The following ANKFN1 variants were observed in gnomAD, a reference collection of about 807,000 sequenced individuals.
ANKFN1 encodes ankyrin repeat and fibronectin type III domain containing 1, also known as ankyrin repeat and fibronectin type-III domain-containing protein 1.
Under a neutral mutation model 108.7 loss-of-function variants are expected in ANKFN1, and 74 were observed. The observed-to-expected ratio is 0.68, with a 90% CI of 0.56 to 0.83. ANKFN1 has a LOEUF of 0.83. Among genes scored for constraint, ANKFN1 ranks in the 40% least tolerant of loss-of-function variants. The pLI is 0.00. For missense variants in ANKFN1, 1,505 were observed against 1,382.3 expected, an observed-to-expected ratio of 1.09 and a Z score of -1.41; for synonymous variants, 547 against 516.2, an observed-to-expected ratio of 1.06 and a Z score of -0.81.
chr17:56,315,611 G>A (rs1172203274), intron 3 of ANKFN1, among the ~76,000 whole-genome samples: 2 of 152,202 alleles, frequency 1.3e-5, no homozygotes, highest in Non-Finnish European at 2.9e-5. Flanking sequence ...GCTGCAAGGT[G>A]CATCCAGTAG....
chr17:56,231,293 G>A (rs775096838), intron 3 of ANKFN1, among the ~76,000 whole-genome samples: 13 of 152,080 alleles, frequency 8.5e-5, no homozygotes, highest in Admixed American at 2.6e-4. Flanking sequence ...GTGTAATTTA[G>A]CTCAAGATCT....
At chr17:56,069,631 A>G (rs1051520335) in intron 4 of ANKFN1, among the ~76,000 whole-genome samples, 1 of 152,136 alleles carries the variant, frequency 6.6e-6, no homozygotes, top group Admixed American at 6.5e-5. Flanking sequence ...GGTGGCTTAG[A>G]AAACAGAAAT....
chr17:56,444,664 T>A (rs558507070), intron 10 of ANKFN1, among the ~76,000 whole-genome samples: 1 of 152,330 alleles, frequency 6.6e-6, no homozygotes, highest in East Asian at 1.9e-4. Flanking sequence ...ACTAATTTAA[T>A]CTTCGTAAGG....
intron 1 of ANKFN1, among the ~76,000 whole-genome samples, chr17:56,182,280 C>A (rs1198521866): frequency 6.6e-6 from 1 of 152,094 alleles, no homozygotes; most frequent in Non-Finnish European, 1.5e-5. Flanking sequence ...CCAAGAGAGG[C>A]CAAAAGCTAA....
At chr17:56,077,865 C>T (rs1905199280) in intron 4 of ANKFN1, among the ~76,000 whole-genome samples, 1 of 152,216 alleles carries the variant, frequency 6.6e-6, no homozygotes, top group South Asian at 2.1e-4. Flanking sequence ...CCATTAGCTG[C>T]ATGCCACTTA....
rs1310471568 is a variant in ANKFN1, at chr17:56,055,601, AT to A, written c.288+9283del. ...TATATATATATATGTATATATACAC[AT>A]TTTTTTATCCAGTCAATCACTGATG... On this transcript the variant is annotated intron_variant, in intron 4 of 12. Transcript: ENST00000635860. Among the ~76,000 whole-genome samples, 31 of 134,508 alleles carry A rather than the reference AT, an allele frequency of 2.3e-4. 2 individuals are homozygous for A. The highest frequency in any genetic ancestry group is 8.1e-4 in the African/African-American group (28 of 34,674). 88.2% of individuals were successfully genotyped at this position (134,508 alleles called of 152,430 possible).
chr17:56,448,679 C>G (rs1157336241), intron 10 of ANKFN1, among the ~76,000 whole-genome samples: 10 of 152,166 alleles, frequency 6.6e-5, no homozygotes, highest in Non-Finnish European at 1.0e-4. Context: ...CATTCCCACC[C>G]CTTTCTTTCC....
Position 56,153,509 on chromosome 17 carries a change from C to A in ANKFN1, c.-92C>A, listed in dbSNP as rs1908800226. The A allele has an allele frequency of 6.2e-7, 1 of 1,613,996 alleles. No individual in the cohort carries two copies. The highest frequency in any genetic ancestry group is 1.3e-5 in the African/African-American group (1 of 74,934). On this transcript the variant is annotated 5_prime_UTR_variant, in exon 1 of 21. Transcript: ENST00000682825. ...CTCAAGAGCTCAGTCCTGTGTCTCTCATGGAGGCGTCTCTAACCAGGGTAG... is the reference window on the plus strand; with the variant it reads ...CTCAAGAGCTCAGTCCTGTGTCTCTAATGGAGGCGTCTCTAACCAGGGTAG...
At chr17:56,354,147 T>A in intron 6 of ANKFN1, 101 bp downstream of exon 6, 1 of 1,137,726 alleles carries the variant, frequency 8.8e-7, no homozygotes, top group Non-Finnish European at 1.3e-6. Context: ...AATGGTTGAC[T>A]AAGCATAGAC....
chr17:56,077,783 T>G (rs963486877), intron 4 of ANKFN1, among the ~76,000 whole-genome samples: 1 of 152,128 alleles, frequency 6.6e-6, no homozygotes, highest in Non-Finnish European at 1.5e-5. Context: ...GTTTACTGCA[T>G]TTGGCAGCCT....
chr17:56,236,764 C>T (rs553210130), intron 3 of ANKFN1, among the ~76,000 whole-genome samples: 369 of 152,246 alleles, frequency 2.4e-3, no homozygotes, highest in Middle Eastern at 0.014. Flanking sequence ...TTTACATTTA[C>T]TATAATGGCA....
intron 3 of ANKFN1, among the ~76,000 whole-genome samples, chr17:56,256,911 A>C (rs551896096): frequency 6.6e-6 from 1 of 152,192 alleles, no homozygotes; most frequent in Non-Finnish European, 1.5e-5. Flanking sequence ...GGATCTTTAT[A>C]ATTATTTGTC....
intron 3 of ANKFN1, among the ~76,000 whole-genome samples, chr17:56,257,435 T>C (rs1166817627): frequency 6.6e-6 from 1 of 152,234 alleles, no homozygotes; most frequent in Non-Finnish European, 1.5e-5. Flanking sequence ...TAACAGTCTC[T>C]GTCTTGCTCA....
chr17:56,167,645 G>GTTTA (rs1910275719), intron 1 of ANKFN1, among the ~76,000 whole-genome samples: 1 of 152,044 alleles, frequency 6.6e-6, no homozygotes, highest in Non-Finnish European at 1.5e-5. Context: ...AATCTCAGTG[G>GTTTA]TTTAGCATGA....
rs9890626 is a variant in ANKFN1, at chr17:56,335,106, G to A, written c.188+8751G>A. On this transcript the variant is annotated intron_variant, in intron 4 of 20. Coordinates refer to ENST00000682825, the MANE Select transcript of ANKFN1 (RefSeq NM_001370326.1). Reference sequence around the variant, plus strand: ...CTATATCACTGTTTTGTACCATGATGTTTTGGTTACTGTAGCCTTGTAGTA... The same window carrying A: ...CTATATCACTGTTTTGTACCATGATATTTTGGTTACTGTAGCCTTGTAGTA... 5.0e-3 allele frequency among the ~76,000 whole-genome samples: 755 copies of A among 152,086 alleles called. 4 individuals are homozygous for A. Among genetic ancestry groups the A allele is most frequent in the Middle Eastern group, 0.017 (5 of 294 alleles).
In ANKFN1 at chr17:56,513,569, G is replaced by A. The variant is rs2051835927; in HGVS notation, c.*2300G>A. ...GATCCTGATCATTCTGGTGGCATAGGAGGAAGTTTGTGACTGAATCAGGTG... is the reference window on the plus strand; with the variant it reads ...GATCCTGATCATTCTGGTGGCATAGAAGGAAGTTTGTGACTGAATCAGGTG... On this transcript the variant is annotated 3_prime_UTR_variant, in exon 21 of 21. Transcript: ENST00000682825. Among the ~76,000 whole-genome samples the A allele has an allele frequency of 6.6e-6, 1 of 152,182 alleles. No homozygotes were observed. The highest frequency in any genetic ancestry group is 2.4e-5 in the African/African-American group (1 of 41,436).
At chr17:56,191,727 G>A (rs905785286) in intron 1 of ANKFN1, among the ~76,000 whole-genome samples, 16 of 146,912 alleles carry the variant, frequency 1.1e-4, no homozygotes, top group African/African-American at 3.3e-4. Flanking sequence ...TCTTTGTGGC[G>A]TTCTCTGTAT....
At chr17:56,384,151 CT>C (rs1962007723) in intron 8 of ANKFN1, among the ~76,000 whole-genome samples, 1 of 152,154 alleles carries the variant, frequency 6.6e-6, no homozygotes, top group African/African-American at 2.4e-5. Context: ...GGCTTCATCC[CT>C]GGGATGCAAG....
At chr17:56,483,640 G>A (rs2050777243) in intron 18 of ANKFN1, among the ~76,000 whole-genome samples, 1 of 152,082 alleles carries the variant, frequency 6.6e-6, no homozygotes, top group Admixed American at 6.5e-5. Flanking sequence ...TCCCTATTGT[G>A]TGACACTGGC....
Sources: allele counts gnomAD v4.1 joint callset (sites outside exome capture counted in the v4.1 genomes callset), GRCh38; gene constraint gnomAD v4.1.1; transcripts MANE v1.5; gene names NCBI Gene and HGNC (gene_info 2026-07-23, HGNC 2026-07-21).